The following SESTD1 variants were observed in gnomAD, a reference collection of about 807,000 sequenced individuals.
The protein encoded by SESTD1 is SEC14 and spectrin domain containing 1.
Under a neutral mutation model 101.7 loss-of-function variants are expected in SESTD1, and 43 were observed. The ratio of observed to expected loss-of-function variants is 0.42; its 90% CI spans 0.33 to 0.55. The LOEUF (loss-of-function observed/expected upper bound fraction) is 0.55, where lower values mean the gene tolerates loss of function less well. SESTD1 is among the 20% of genes least tolerant of loss of function. The probability of loss-of-function intolerance (pLI) is 0.07; values close to 1 mark genes in which losing one functional copy is unlikely to be tolerated. For missense variants in SESTD1, 647 were observed against 815.1 expected (o/e 0.79, Z 2.51); for synonymous variants, 283 against 286.8 (o/e 0.99, Z 0.13).
At chr2:179,245,023 G>A (rs970330702) in intron 1 of SESTD1, among the ~76,000 whole-genome samples, 6 of 152,276 alleles carry the variant, frequency 3.9e-5, no homozygotes, top group African/African-American at 7.2e-5. Flanking sequence ...TACACAAAGA[G>A]ATACACTCAA....
At chr2:179,169,395 A>AG (rs1004844838) in intron 5 of SESTD1, among the ~76,000 whole-genome samples, 1 of 152,186 alleles carries the variant, frequency 6.6e-6, no homozygotes, top group African/African-American at 2.4e-5. Context: ...AAGAAGACAT[A>AG]GCTATCCTAA....
intron 5 of SESTD1, among the ~76,000 whole-genome samples, chr2:179,162,258 A>G (rs966744733): frequency 1.3e-5 from 2 of 152,072 alleles, no homozygotes; most frequent in African/African-American, 4.8e-5. Context: ...AAAAAAAAAA[A>G]CCATATTTTT....
intron 4 of SESTD1, 103 bp downstream of exon 4, chr2:179,176,345 G>A (rs1559129266): frequency 1.2e-6 from 1 of 818,378 alleles, no homozygotes; most frequent in Non-Finnish European, 2.0e-6. Context: ...GTCACTGCTA[G>A]GAAGCCAGGC....
intron 6 of SESTD1, 88 bp from the exon 7 acceptor site, chr2:179,149,482 C>G: frequency 1.2e-6 from 1 of 849,484 alleles, no homozygotes; most frequent in Non-Finnish European, 1.7e-6. Context: ...ATAGAATTGG[C>G]CAGCTAGGAT....
chr2:179,226,441 C>T (rs573766609), intron 1 of SESTD1, among the ~76,000 whole-genome samples: 18 of 152,294 alleles, frequency 1.2e-4, no homozygotes, highest in African/African-American at 3.8e-4. Flanking sequence ...CTTTTGTGAC[C>T]GCAGTCGTTT....
intron 13 of SESTD1, among the ~76,000 whole-genome samples, chr2:179,117,832 C>T (rs1219824116): frequency 6.6e-6 from 1 of 152,078 alleles, no homozygotes; most frequent in Non-Finnish European, 1.5e-5. Context: ...CAATGACAAA[C>T]CCTCTTAAAG....
At chr2:179,241,711 A>G (rs1429198310) in intron 1 of SESTD1, among the ~76,000 whole-genome samples, 1 of 152,138 alleles carries the variant, frequency 6.6e-6, no homozygotes, top group Non-Finnish European at 1.5e-5. Context: ...TCACGAGGTC[A>G]GGAGATCGAG....
rs1422740480 is a variant in SESTD1 at position 179,104,438 on chromosome 2, A to G, written c.*5461T>C. 1 of 152,180 alleles carries G rather than the reference A, an allele frequency of 6.6e-6. No individual in the cohort carries two copies. Among genetic ancestry groups the G allele is most frequent in the Non-Finnish European group, 1.5e-5 (1 of 68,030 alleles). The allele number at this position is 152,180 out of a possible 1,614,324, so 9.4% of individuals were successfully genotyped here. A position where few individuals can be genotyped will look rare whatever the true frequency, so the allele number is the denominator to read the frequency against. ...TACCCTAACTTCCAGACTAAAAAAG[A>G]ATCTGTAACTGTAATAGAAAAGAAG... On this transcript the variant is annotated 3_prime_UTR_variant, in exon 18 of 18. Transcript: ENST00000428443.
Position 179,151,386 on chromosome 2 carries a change from A to G in SESTD1, c.375T>C (p.Ile125=). The G allele has an allele frequency of 6.3e-7, 1 of 1,593,374 alleles. No homozygotes were observed. Among genetic ancestry groups the G allele is most frequent in the Non-Finnish European group, 8.5e-7 (1 of 1,172,744 alleles). ...GAGTCAATTTGTTGGCGGACACTAA[A>G]ATAACCTATAAAAAGGTTAAAAGAA... ...KEKDRLGFEV[I]LVSANKLTRY... Residue 125 remains isoleucine (I), a synonymous_variant, in exon 6 of 18, where the codon ATT becomes ATC. Transcript: ENST00000428443.
intron 1 of SESTD1, among the ~76,000 whole-genome samples, chr2:179,227,733 T>G (rs2046910252): frequency 6.6e-6 from 1 of 151,812 alleles, no homozygotes; most frequent in Admixed American, 6.6e-5. Flanking sequence ...TTTCAATGAC[T>G]TCTGCACTGC....
rs1252573570 is a variant in SESTD1, at chr2:179,212,117, G to A, written c.-25-20251C>T. Among the ~76,000 whole-genome samples, 2 of 135,138 alleles carry A rather than the reference G, an allele frequency of 1.5e-5. 1 individual carries two copies. Among genetic ancestry groups the A allele is most frequent in the African/African-American group, 5.8e-5 (2 of 34,234 alleles). 88.7% of individuals were successfully genotyped at this position (135,138 alleles called of 152,430 possible). ...ATGTGATTTCTGCATTTCCAACTGA[G>A]GTACCTGGTTCATCTCACTGGGACT... On this transcript the variant is annotated intron_variant, in intron 1 of 17. Transcript: ENST00000428443.
intron 16 of SESTD1, among the ~76,000 whole-genome samples, 153 bp downstream of exon 16, chr2:179,114,911 AG>A (rs1187023202): frequency 2.6e-5 from 4 of 152,196 alleles, no homozygotes; most frequent in Admixed American, 2.6e-4. Flanking sequence ...GAACTCTCTA[AG>A]GCAATGTATT....
intron 5 of SESTD1, among the ~76,000 whole-genome samples, chr2:179,159,912 T>C (rs532138446): frequency 5.3e-5 from 8 of 152,334 alleles, no homozygotes; most frequent in Non-Finnish European, 7.3e-5. Flanking sequence ...TGGAGTGCAA[T>C]AGCACGATCT....
Position 179,124,479 on chromosome 2 carries a change from T to G in SESTD1, c.1052A>C (p.Glu351Ala), listed in dbSNP as rs2044825321. ...AAGTTGTTGCTGCAGTGACTTTAGTTCCACAAGATCTTCCTCATCGCCAGC... is the reference window on the plus strand; with the variant it reads ...AAGTTGTTGCTGCAGTGACTTTAGTGCCACAAGATCTTCCTCATCGCCAGC... The part of the protein sequence containing the change: ...LNAGDEEDLV[E>A]LKSLQQQLSD... Residue 351 changes from glutamate (E) to alanine (A), a missense_variant, in exon 11 of 18, where the codon GAA (glutamate) becomes GCA (alanine). Transcript: ENST00000428443. 36 of 1,614,106 alleles carry G rather than the reference T, an allele frequency of 2.2e-5. No individual in the cohort carries two copies. Among genetic ancestry groups the G allele is most frequent in the Non-Finnish European group, 3.0e-5 (35 of 1,180,004 alleles).
intron 5 of SESTD1, among the ~76,000 whole-genome samples, chr2:179,170,877 C>T (rs2045919288): frequency 6.6e-6 from 1 of 152,194 alleles, no homozygotes; most frequent in Admixed American, 6.5e-5. Context: ...GTTCGAAGCT[C>T]CTGCGCTCTG....
At position 179,124,373 on chromosome 2, in the gene SESTD1, A is replaced by C. The variant is rs752192031; in HGVS notation, c.1158T>G (p.Val386=). 6.2e-6 allele frequency: 10 copies of C among 1,613,868 alleles called. No individual in the cohort carries two copies. In the Admixed American group the frequency reaches 1.7e-4, roughly 27 times the overall value. ...CAGAATAGACACTTACATCTTGGGCAACACCATGAAATTCAAGAGCTGCTT... is the reference window on the plus strand; with the variant it reads ...CAGAATAGACACTTACATCTTGGGCCACACCATGAAATTCAAGAGCTGCTT... ...LLQAALEFHG[V]AQDLSQQLDG... The change falls in exon 11 of 18, where the codon GTT becomes GTG. Residue 386 remains valine (V), a synonymous_variant. Coordinates refer to ENST00000428443, the MANE Select transcript of SESTD1 (RefSeq NM_178123.5).
At chr2:179,182,036 A>G (rs2046122416) in intron 3 of SESTD1, among the ~76,000 whole-genome samples, 1 of 151,858 alleles carries the variant, frequency 6.6e-6, no homozygotes, top group Non-Finnish European at 1.5e-5. Flanking sequence ...ATTATAGAAC[A>G]CTATTGGATG....
At chr2:179,117,811 C>T (rs539472956) in intron 13 of SESTD1, among the ~76,000 whole-genome samples, 198 bp from the exon 14 acceptor site, 1 of 152,066 alleles carries the variant, frequency 6.6e-6, no homozygotes, top group South Asian at 2.1e-4. Context: ...TCAAAATACC[C>T]AAATGATACT....
chr2:179,156,826 T>A (rs942549132), intron 5 of SESTD1, among the ~76,000 whole-genome samples: 1 of 152,244 alleles, frequency 6.6e-6, no homozygotes, highest in African/African-American at 2.4e-5. Context: ...TTTAATTTCA[T>A]TAGGTCCCAG....
Sources: gnomAD v4.1 joint callset for allele counts (sites outside exome capture counted in the v4.1 genomes callset) on GRCh38, gnomAD v4.1.1 for gene constraint, MANE v1.5 for transcripts, NCBI Gene and HGNC (gene_info 2026-07-23, HGNC 2026-07-21) for gene names.